Variants in VPS8 observed in about 807,000 individuals in gnomAD.
The protein encoded by VPS8 is vacuolar protein sorting-associated protein 8 homolog.
VPS8 carries 129 observed loss-of-function variants against 216.4 expected under a neutral mutation model. The ratio of observed to expected loss-of-function variants is 0.60; its 90% CI spans 0.52 to 0.69. VPS8 has a LOEUF of 0.69. Among genes scored for constraint, VPS8 ranks in the 30% least tolerant of loss-of-function variants. The pLI is 0.00. For missense variants in VPS8, 1,531 were observed against 1,683.5 expected (o/e 0.91, Z 1.59); for synonymous variants, 571 against 565.4 (o/e 1.01, Z -0.14).
In VPS8 at chr3:185,051,893, A is replaced by C. The variant is rs963401404; in HGVS notation, c.4155A>C (p.Glu1385Asp). The change falls in exon 48 of 48, where the codon GAA becomes GAC. Residue 1385 changes from glutamate (E) to aspartate (D), a missense_variant. This residue lies in a region of VPS8 where 1,318 missense variants were observed against 1,468.4 expected (regional missense o/e 0.90). Transcript: ENST00000625842. ...RGSSRLALLT[E>D]LSQNRSSESY... Reference sequence around the variant, plus strand: ...CTTTGCAGCTGGCTCTCCTCACGGAACTCTCCCAGAATCGCAGCAGCGAGA... The same window carrying C: ...CTTTGCAGCTGGCTCTCCTCACGGACCTCTCCCAGAATCGCAGCAGCGAGA... 1.9e-6 allele frequency: 3 copies of C among 1,607,590 alleles called. No individual in the cohort carries two copies. The African/African-American group carries it at 4.0e-5, about 22-fold the overall frequency.
intron 42 of VPS8, among the ~76,000 whole-genome samples, chr3:184,985,397 A>G (rs540128802): frequency 1.3e-5 from 2 of 152,144 alleles, no homozygotes; most frequent in South Asian, 4.2e-4. Flanking sequence ...TTAATTAAAT[A>G]TATTAATTGT....
intron 21 of VPS8, among the ~76,000 whole-genome samples, chr3:184,880,246 GA>G (rs1373319529): frequency 6.6e-5 from 10 of 152,098 alleles, no homozygotes; most frequent in Non-Finnish European, 1.5e-5. Context: ...ATAAGGTAAA[GA>G]TACAGAACAT....
intron 40 of VPS8, among the ~76,000 whole-genome samples, chr3:184,974,657 C>T (rs1217491713): frequency 1.3e-5 from 2 of 151,928 alleles, no homozygotes; most frequent in African/African-American, 2.4e-5. Context: ...AAGTATTTCC[C>T]GTATATTTTC....
intron 1 of VPS8, chr3:184,813,677 CTTTATA>C (rs1715677312): frequency 6.6e-6 from 1 of 152,072 alleles, no homozygotes; most frequent in African/African-American, 2.4e-5. Context: ...TTGATTTTTT[CTTTATA>C]TTTAATATAT....
chr3:184,924,995 A>T lies in VPS8; in HGVS notation c.2574+14A>T, dbSNP rs1464955574. On this transcript the variant is annotated intron_variant, in intron 30 of 47. Transcript: ENST00000625842. ...CTTTTTGATCAGGTAAGTGTCTAGC[A>T]GTGAAAACTAAAAGGTTTTTTCCTG... 6.2e-7 allele frequency: 1 copy of T among 1,609,560 alleles called. No individual in the cohort carries two copies. Among genetic ancestry groups the T allele is most frequent in the Non-Finnish European group, 8.5e-7 (1 of 1,177,970 alleles).
Position 185,049,196 on chromosome 3 carries a change from T to A in VPS8, c.4137+637T>A, listed in dbSNP as rs73885650. Among the ~76,000 whole-genome samples the A allele has an allele frequency of 6.7e-3, 1,028 of 152,302 alleles. 14 individuals carry two copies. Among genetic ancestry groups the A allele is most frequent in the African/African-American group, 0.024 (981 of 41,552 alleles). On this transcript the variant is annotated intron_variant, in intron 47 of 47. Coordinates refer to ENST00000625842, the MANE Select transcript of VPS8 (RefSeq NM_001009921.3). ...AAATTGATTTTTATTCCAAAAGACC[T>A]TGGGCTACAATTCTTGGTCTAATCT...
At chr3:185,010,772 C>T (rs1218008803) in intron 45 of VPS8, among the ~76,000 whole-genome samples, 3 of 152,100 alleles carry the variant, frequency 2.0e-5, no homozygotes, top group Admixed American at 6.6e-5. Flanking sequence ...GAGGCCAAGG[C>T]AGGAGGATCA....
At chr3:184,851,021 G>C (rs972582217) in intron 10 of VPS8, among the ~76,000 whole-genome samples, 1 of 152,150 alleles carries the variant, frequency 6.6e-6, no homozygotes, top group Non-Finnish European at 1.5e-5. Flanking sequence ...TTGTATATAT[G>C]TCTTATCTCT....
intron 45 of VPS8, among the ~76,000 whole-genome samples, chr3:185,012,612 A>G (rs1465570246): frequency 6.6e-6 from 1 of 152,186 alleles, no homozygotes; most frequent in East Asian, 1.9e-4. Flanking sequence ...ATGATGAAGA[A>G]ATCTTACAAG....
intron 45 of VPS8, among the ~76,000 whole-genome samples, chr3:185,011,344 C>T (rs543805175): frequency 1.3e-5 from 2 of 152,218 alleles, no homozygotes; most frequent in Non-Finnish European, 2.9e-5. Context: ...TAGGGCACCT[C>T]TTGGCTTGCC....
At chr3:184,835,653 A>G (rs1401097443) in intron 5 of VPS8, among the ~76,000 whole-genome samples, 1 of 151,128 alleles carries the variant, frequency 6.6e-6, no homozygotes, top group East Asian at 1.9e-4. Flanking sequence ...TTTTTGGGGC[A>G]TTTAATTGGC....
At chr3:184,882,270 GT>G in intron 21 of VPS8, 1 of 405,996 alleles carries the variant, frequency 2.5e-6, no homozygotes, top group Non-Finnish European at 4.9e-6. Context: ...TTCTAAGAGG[GT>G]TTTCATGAAT....
At chr3:184,911,355 T>C (rs1203752756) in intron 25 of VPS8, among the ~76,000 whole-genome samples, 1 of 152,182 alleles carries the variant, frequency 6.6e-6, no homozygotes, top group Admixed American at 6.5e-5. Flanking sequence ...GTGAGCTAGA[T>C]ATATTCTACC....
chr3:185,017,835 C>CG (rs1756031401), intron 45 of VPS8, among the ~76,000 whole-genome samples: 7 of 151,984 alleles, frequency 4.6e-5, no homozygotes, highest in African/African-American at 1.5e-4. Flanking sequence ...GGGCCCAGGA[C>CG]GGCCCTTCAT....
chr3:184,821,404 C>T (rs982959046), intron 1 of VPS8, among the ~76,000 whole-genome samples: 8 of 151,538 alleles, frequency 5.3e-5, no homozygotes, highest in Admixed American at 3.3e-4. Context: ...AGTGCAGTGG[C>T]GCGAACTTGG....
At chr3:184,891,367 CTT>C (rs1732310755) in intron 22 of VPS8, among the ~76,000 whole-genome samples, 1 of 152,104 alleles carries the variant, frequency 6.6e-6, no homozygotes, top group African/African-American at 2.4e-5. Context: ...ATTATCAAGA[CTT>C]GTTGAGGAAC....
chr3:184,981,333 C>G (rs1216121692), intron 40 of VPS8, among the ~76,000 whole-genome samples: 1 of 151,784 alleles, frequency 6.6e-6, no homozygotes, highest in Non-Finnish European at 1.5e-5. Flanking sequence ...GGTGCACATG[C>G]TTGTGCCAGC....
chr3:184,918,575 T>C (rs1448821404), intron 28 of VPS8, among the ~76,000 whole-genome samples: 1 of 152,240 alleles, frequency 6.6e-6, no homozygotes, highest in Non-Finnish European at 1.5e-5. Flanking sequence ...CACCACTTAA[T>C]TATGTTCACA....
At chr3:184,885,227 G>C (rs1435635072) in intron 21 of VPS8, among the ~76,000 whole-genome samples, 2 of 152,088 alleles carry the variant, frequency 1.3e-5, no homozygotes, top group Non-Finnish European at 2.9e-5. Context: ...TTTTCACGTA[G>C]TGCCTTCTCC....
Sources: gnomAD v4.1 joint callset for allele counts (sites outside exome capture counted in the v4.1 genomes callset) on GRCh38, gnomAD v4.1.1 for gene constraint, gnomAD v4.1.1 regional missense constraint, MANE v1.5 for transcripts, NCBI Gene and HGNC (gene_info 2026-07-23, HGNC 2026-07-21) for gene names.